The following MEGF6 variants were observed in gnomAD, a reference collection of about 807,000 sequenced individuals.
MEGF6 encodes multiple epidermal growth factor-like domains protein 6.
MEGF6 carries 184 observed loss-of-function variants against 207.1 expected under a neutral mutation model. The ratio of observed to expected loss-of-function variants is 0.89; its 90% confidence interval spans 0.79 to 1.00. The LOEUF (loss-of-function observed/expected upper bound fraction) is 1.00. Ranked by LOEUF, MEGF6 falls within the 50% of genes least tolerant of loss-of-function variation. MEGF6 has a pLI of 0.00. For synonymous variants in MEGF6, 1,038 were observed against 910.0 expected, an observed-to-expected ratio of 1.14 and a Z score of -2.53; for missense variants, 2,282 against 2,202.9, an observed-to-expected ratio of 1.04 and a Z score of -0.72.
At chr1:3,504,231 C>T (rs1641018850) in intron 17 of MEGF6, among the ~76,000 whole-genome samples, 3 of 152,152 alleles carry the variant, frequency 2.0e-5, no homozygotes. Context: ...TCGTGGCTCC[C>T]GTCTCTCCCG....
chr1:3,534,305 T>A (rs887009339), intron 4 of MEGF6, among the ~76,000 whole-genome samples: 7 of 152,266 alleles, frequency 4.6e-5, no homozygotes, highest in Non-Finnish European at 7.3e-5. Context: ...TATTTGCACC[T>A]ATTATGTTAA....
chr1:3,517,395 TC>T (rs1366362622), intron 5 of MEGF6, among the ~76,000 whole-genome samples: 4 of 151,780 alleles, frequency 2.6e-5, no homozygotes, highest in Admixed American at 6.6e-5. Context: ...GAGGCAGGGA[TC>T]CCCCCAGAGC....
At chr1:3,520,524 G>C (rs2101143624) in intron 5 of MEGF6, among the ~76,000 whole-genome samples, 1 of 152,258 alleles carries the variant, frequency 6.6e-6, no homozygotes, top group South Asian at 2.1e-4. Context: ...GCCTCACTAG[G>C]CCCTGCTCTT....
chr1:3,582,247 G>T (rs966031920), intron 3 of MEGF6, among the ~76,000 whole-genome samples: 1 of 152,200 alleles, frequency 6.6e-6, no homozygotes, highest in Non-Finnish European at 1.5e-5. Flanking sequence ...GGCTGGGAGG[G>T]TACAGCCACA....
chr1:3,570,368 G>A (rs543436624), intron 4 of MEGF6, among the ~76,000 whole-genome samples: 6 of 152,284 alleles, frequency 3.9e-5, no homozygotes, highest in African/African-American at 1.2e-4. Flanking sequence ...ACGGGGAAGC[G>A]GGACTCGGGG....
At chr1:3,534,720 A>G (rs368781126) in intron 4 of MEGF6, among the ~76,000 whole-genome samples, 335 of 152,244 alleles carry the variant, frequency 2.2e-3, no homozygotes, top group African/African-American at 7.4e-3. Context: ...ACGTCCTGGG[A>G]ACTGTCCACC....
Position 3,594,237 on chromosome 1 carries a change from T to C in MEGF6, c.376+1101A>G, listed in dbSNP as rs1313035235. Among the ~76,000 whole-genome samples the C allele has an allele frequency of 6.6e-6, 1 of 152,188 alleles. No individual in the cohort carries two copies. Among genetic ancestry groups the C allele is most frequent in the African/African-American group, 2.4e-5 (1 of 41,446 alleles). Reference sequence around the variant, plus strand: ...TGAGCCTAGGAGCTCAAGACCAGCCTGGGCAACATGGTGAGACCCTGTCTC... The same window carrying C: ...TGAGCCTAGGAGCTCAAGACCAGCCCGGGCAACATGGTGAGACCCTGTCTC... On this transcript the variant is annotated intron_variant, in intron 3 of 36. Transcript: ENST00000356575. This position sits in a 1 kb window ranked among gnomAD's most constrained non-coding sequence, Gnocchi z 4.2.
Position 3,565,791 on chromosome 1 carries a change from G to A in MEGF6, c.481+14034C>T, listed in dbSNP as rs1045835600. Among the ~76,000 whole-genome samples the A allele has an allele frequency of 2.3e-4, 35 of 152,286 alleles. No individual in the cohort carries two copies. The highest frequency in any genetic ancestry group is 1.7e-3 in the Admixed American group (26 of 15,306). On this transcript the variant is annotated intron_variant, in intron 4 of 36. Transcript: ENST00000356575. This position sits in a 1 kb window ranked among gnomAD's most constrained non-coding sequence, Gnocchi z 4.8. ...GCCACGTCACCAAGAACAGAAGTGCGTGTGGACATCCAGGTGCCTTCCAAC... is the reference window on the plus strand; with the variant it reads ...GCCACGTCACCAAGAACAGAAGTGCATGTGGACATCCAGGTGCCTTCCAAC...
chr1:3,561,546 C>A (rs543366490), intron 4 of MEGF6, among the ~76,000 whole-genome samples: 247 of 152,290 alleles, frequency 1.6e-3, no homozygotes, highest in Non-Finnish European at 2.7e-3. Context: ...GGTCGGGGAC[C>A]ATGCACCCCG....
chr1:3,562,810 C>G (rs1185135108), intron 4 of MEGF6, among the ~76,000 whole-genome samples: 1 of 152,198 alleles, frequency 6.6e-6, no homozygotes, highest in Non-Finnish European at 1.5e-5. Context: ...CAGACCGCCC[C>G]GTCCAGCACT....
intron 21 of MEGF6, among the ~76,000 whole-genome samples, 191 bp from the exon 22 acceptor site, chr1:3,500,115 G>T (rs956351315): frequency 6.6e-6 from 1 of 152,220 alleles, no homozygotes; most frequent in Admixed American, 6.5e-5. Flanking sequence ...GGAGGCTTGA[G>T]GGGGCTCCAG....
At position 3,489,665 on chromosome 1, in the gene MEGF6, C is replaced by T. The variant is rs1004886994; in HGVS notation, c.*863G>A. Among the ~76,000 whole-genome samples the T allele has an allele frequency of 6.6e-6, 1 of 152,168 alleles. No individual in the cohort carries two copies. Among genetic ancestry groups the T allele is most frequent in the Non-Finnish European group, 1.5e-5 (1 of 68,020 alleles). ...AGTCCAGGTTGCCCCTCCACACCAG[C>T]CCTCCTCCCCCTGGGCCATTCTCTG... On this transcript the variant is annotated 3_prime_UTR_variant, in exon 37 of 37. Coordinates refer to ENST00000356575, the MANE Select transcript of MEGF6 (RefSeq NM_001409.4).
At position 3,501,161 on chromosome 1, in the gene MEGF6, G is replaced by C. The variant is rs775384281; in HGVS notation, c.2446+16C>G. ...ACCCCAGGTCAAAGGCTCAGGGGCA[G>C]CTCCAGCTCACTCACCGTCCTGGCA... On this transcript the variant is annotated intron_variant, in intron 19 of 36. Transcript: ENST00000356575. 6.8e-6 allele frequency: 11 copies of C among 1,612,560 alleles called. No homozygotes were observed. The highest frequency in any genetic ancestry group is 2.2e-5 in the East Asian group (1 of 44,858).
intron 30 of MEGF6, among the ~76,000 whole-genome samples, 162 bp from the exon 31 acceptor site, chr1:3,494,903 G>A (rs1640537321): frequency 6.6e-6 from 1 of 152,264 alleles, no homozygotes; most frequent in South Asian, 2.1e-4. Flanking sequence ...AGTGGCACCA[G>A]CCGCATCCTC....
chr1:3,508,722 C>G (rs1285748328), intron 12 of MEGF6, 33 bp from the exon 13 acceptor site: 1 of 1,608,008 alleles, frequency 6.2e-7, no homozygotes, highest in South Asian at 1.1e-5. Context: ...GGATTCAGAG[C>G]CTGACCCCTG....
At chr1:3,536,069 G>A (rs959671031) in intron 4 of MEGF6, among the ~76,000 whole-genome samples, 1 of 152,098 alleles carries the variant, frequency 6.6e-6, no homozygotes, top group Admixed American at 6.5e-5. Flanking sequence ...CCGTCCTCTG[G>A]TGGCCTCGGC....
chr1:3,620,191 G>A, the MEGF6 span, among the ~76,000 whole-genome samples: 1 of 152,200 alleles, frequency 6.6e-6, no homozygotes, highest in Non-Finnish European at 1.5e-5. Context: ...ACAGTCATGT[G>A]CGTTCACAAG....
Position 3,491,121 on chromosome 1 carries a change from C to T in MEGF6, c.4517-162G>A, listed in dbSNP as rs931092774. On this transcript the variant is annotated intron_variant, in intron 35 of 36. Transcript: ENST00000356575. ...TTTGCACTCGGGGAAGGAACGGGGG[C>T]GGGAGCTGGGGGGGGGGGCTCTCCC... 2.3e-4 allele frequency among the ~76,000 whole-genome samples: 27 copies of T among 115,368 alleles called. No individual in the cohort carries two copies. In the East Asian group the frequency reaches 7.3e-3, roughly 31 times the overall value. The allele number at this position is 115,368 out of a possible 152,430, so 75.7% of individuals were successfully genotyped here.
intron 4 of MEGF6, among the ~76,000 whole-genome samples, chr1:3,527,510 T>C (rs1642006987): frequency 6.6e-6 from 1 of 152,076 alleles, no homozygotes; most frequent in African/African-American, 2.4e-5. Flanking sequence ...GGGCTGCAAA[T>C]GAGACCAGGA....
Sources: allele counts gnomAD v4.1 joint callset (sites outside exome capture counted in the v4.1 genomes callset), GRCh38; gene constraint gnomAD v4.1.1; non-coding constraint Gnocchi (gnomAD v3.1); transcripts MANE v1.5; gene names NCBI Gene and HGNC (gene_info 2026-07-23, HGNC 2026-07-21).